Variants in SKIC3 observed in about 807,000 individuals in gnomAD.
The protein encoded by SKIC3 is superkiller complex protein 3.
chr5:95,532,072 C>T, the SKIC3 span, among the ~76,000 whole-genome samples: 1 of 152,008 alleles, frequency 6.6e-6, no homozygotes, highest in Admixed American at 6.6e-5. Flanking sequence ...GTCTAAACAC[C>T]CTGCCTCCAT....
At chr5:95,509,487 TCCC>T in the SKIC3 span, 2 of 831,992 alleles carry the variant, frequency 2.4e-6, no homozygotes, top group African/African-American at 3.4e-5. Flanking sequence ...GGCGTGAACA[TCCC>T]CTGGCTTCAC....
the SKIC3 span, among the ~76,000 whole-genome samples, chr5:95,490,549 G>A: frequency 6.7e-6 from 1 of 148,818 alleles, no homozygotes; most frequent in African/African-American, 2.5e-5. Flanking sequence ...CCAGGCTGGA[G>A]AGCGGTGGCG....
At chr5:95,507,102 T>A in the SKIC3 span, 1 of 1,145,954 alleles carries the variant, frequency 8.7e-7, no homozygotes, top group Non-Finnish European at 1.3e-6. Flanking sequence ...TTTGTTCATT[T>A]AATTCTACTA....
the SKIC3 span, chr5:95,522,293 A>C: frequency 6.2e-7 from 1 of 1,613,548 alleles, no homozygotes; most frequent in Non-Finnish European, 8.5e-7. Flanking sequence ...GTCTGCTCTT[A>C]ATGCTGCCTG....
At chr5:95,513,734 T>A in the SKIC3 span, 1 of 1,285,710 alleles carries the variant, frequency 7.8e-7, no homozygotes, top group Non-Finnish European at 1.1e-6. Flanking sequence ...GAACCAAAGG[T>A]TTACTAGCTG....
At chr5:95,484,790 G>T in the SKIC3 span, 8 of 1,613,986 alleles carry the variant, frequency 5.0e-6, no homozygotes, top group African/African-American at 1.1e-4. Flanking sequence ...CAGCTTGTGA[G>T]AGAGACCACT....
At chr5:95,526,299 T>A in the SKIC3 span, among the ~76,000 whole-genome samples, 64 of 152,120 alleles carry the variant, frequency 4.2e-4, no homozygotes, top group African/African-American at 1.5e-3. Context: ...ATGGCCTATT[T>A]GTCACAGTTT....
At chr5:95,526,375 T>C in the SKIC3 span, among the ~76,000 whole-genome samples, 13 of 152,262 alleles carry the variant, frequency 8.5e-5, no homozygotes, top group African/African-American at 2.6e-4. Flanking sequence ...TTCCCTGTAT[T>C]TTCTGTATAT....
chr5:95,484,574 T>G, the SKIC3 span: 2 of 1,074,978 alleles, frequency 1.9e-6, no homozygotes, highest in East Asian at 2.6e-5. Flanking sequence ...CTCAAACTCG[T>G]GGCCTCAAGT....
chr5:95,489,521 A>T, the SKIC3 span, among the ~76,000 whole-genome samples: 4 of 94,758 alleles, frequency 4.2e-5, no homozygotes, highest in East Asian at 6.3e-4. Flanking sequence ...GCAACCAGTT[A>T]AAAAAAAAAA....
chr5:95,463,999 TA>T, the SKIC3 span: 2 of 152,272 alleles, frequency 1.3e-5, no homozygotes, highest in Non-Finnish European at 2.9e-5. Context: ...TTAATGTTTT[TA>T]AATGCATTCA....
the SKIC3 span, chr5:95,495,064 T>C: frequency 2.5e-6 from 4 of 1,593,198 alleles, no homozygotes; most frequent in Admixed American, 1.7e-5. Flanking sequence ...GAAACTTTCA[T>C]GAAAAAGAAA....
chr5:95,553,704 C>T, the SKIC3 span, among the ~76,000 whole-genome samples: 2 of 152,164 alleles, frequency 1.3e-5, no homozygotes, highest in African/African-American at 2.4e-5. Context: ...GGATTACAGG[C>T]GCCCGCCACC....
At chr5:95,469,548 C>T in the SKIC3 span, among the ~76,000 whole-genome samples, 1 of 152,108 alleles carries the variant, frequency 6.6e-6, no homozygotes, top group African/African-American at 2.4e-5. Flanking sequence ...CCCCTCATGC[C>T]CTATAAATAT....
the SKIC3 span, among the ~76,000 whole-genome samples, chr5:95,542,188 A>C: frequency 2.0e-5 from 3 of 152,210 alleles, no homozygotes; most frequent in African/African-American, 7.2e-5. Flanking sequence ...CTTCACAATA[A>C]TAAACACTTT....
At chr5:95,492,419 G>A in the SKIC3 span, among the ~76,000 whole-genome samples, 2 of 150,750 alleles carry the variant, frequency 1.3e-5, no homozygotes, top group Non-Finnish European at 3.0e-5. Context: ...GGCGGATCAC[G>A]AGGTCAAGAG....
At chr5:95,536,802 T>G in the SKIC3 span, 1 of 1,591,318 alleles carries the variant, frequency 6.3e-7, no homozygotes, top group Non-Finnish European at 8.6e-7. Flanking sequence ...CACACTATAA[T>G]AAGGAAGAAA....
the SKIC3 span, chr5:95,468,056 T>C: frequency 6.3e-7 from 1 of 1,579,936 alleles, no homozygotes. Context: ...CCTATACTAA[T>C]CTCACACACA....
chr5:95,517,506 A>G, the SKIC3 span, among the ~76,000 whole-genome samples: 1 of 152,144 alleles, frequency 6.6e-6, no homozygotes, highest in African/African-American at 2.4e-5. Context: ...GGGAAGGAGG[A>G]AGGGATTACT....
Sources: allele counts gnomAD v4.1 joint callset (sites outside exome capture counted in the v4.1 genomes callset), GRCh38; gene constraint gnomAD v4.1.1; transcripts MANE v1.5; gene names NCBI Gene and HGNC (gene_info 2026-07-23, HGNC 2026-07-21).